SASH1: variants seen among roughly 807,000 people sequenced by gnomAD.
SASH1 encodes SAM and SH3 domain containing 1, also known as SAM and SH3 domain-containing protein 1.
Under a neutral mutation model 125.2 loss-of-function variants are expected in SASH1, and 44 were observed. The observed-to-expected ratio is 0.35, with a 90% CI of 0.28 to 0.45. The LOEUF is 0.45. SASH1 is among the 20% of genes least tolerant of loss of function. The pLI is 1.00. For synonymous variants in SASH1, 639 were observed against 649.1 expected, an observed-to-expected ratio of 0.98 and a Z score of 0.24; for missense variants, 1,426 against 1,614.5, an observed-to-expected ratio of 0.88 and a Z score of 2.00.
chr6:148,514,495 C>T, intron 9 of SASH1, 39 bp downstream of exon 9: 1 of 1,342,374 alleles, frequency 7.4e-7, no homozygotes, highest in Non-Finnish European at 9.6e-7. Flanking sequence ...AAGGCAGACT[C>T]CACCCTGGTT....
intron 8 of SASH1, chr6:148,508,748 G>T (rs1779945223): frequency 7.9e-7 from 1 of 1,258,542 alleles, no homozygotes; most frequent in Non-Finnish European, 1.0e-6. Context: ...TTCCAGGAGT[G>T]CCTAATCTTA....
intron 7 of SASH1, 26 bp downstream of exon 7, chr6:148,474,248 A>G: frequency 7.1e-7 from 1 of 1,408,970 alleles, no homozygotes; most frequent in African/African-American, 1.4e-5. Context: ...CCTGGTTTAT[A>G]TTTGTGAGGA....
intron 16 of SASH1, among the ~76,000 whole-genome samples, chr6:148,538,767 T>C (rs768190959): frequency 1.8e-4 from 28 of 152,194 alleles, no homozygotes; most frequent in Non-Finnish European, 2.6e-4. Context: ...TTCTGGCTTA[T>C]TGATTTCTTT....
At chr6:148,459,777 A>C (rs7756365) in intron 4 of SASH1, among the ~76,000 whole-genome samples, 134,119 of 152,230 alleles carry the variant, frequency 0.88, 59,105 homozygotes, top group South Asian at 0.93. Flanking sequence ...GTAGTAAGTA[A>C]AGTAAAAGTC....
intron 2 of SASH1, among the ~76,000 whole-genome samples, chr6:148,421,126 A>AAGGAAGG (rs1785044221): frequency 1.2e-5 from 1 of 82,296 alleles, no homozygotes; most frequent in African/African-American, 4.8e-5. Flanking sequence ...AGAAAGGAAG[A>AAGGAAGG]AAGGAAGGAA....
At chr6:148,450,107 C>G (rs1777024440) in intron 4 of SASH1, among the ~76,000 whole-genome samples, 1 of 152,162 alleles carries the variant, frequency 6.6e-6, no homozygotes, top group African/African-American at 2.4e-5. Flanking sequence ...CTATAGCACT[C>G]TCTGTTTATT....
At chr6:148,375,086 G>A (rs1167513193) in intron 1 of SASH1, among the ~76,000 whole-genome samples, 1 of 151,822 alleles carries the variant, frequency 6.6e-6, no homozygotes, top group East Asian at 1.9e-4. Flanking sequence ...AACCTCCTGG[G>A]CTCAGGTCAT....
chr6:148,440,246 G>C lies in SASH1; in HGVS notation c.336+12G>C. 8.1e-6 allele frequency: 13 copies of C among 1,613,776 alleles called. No individual in the cohort carries two copies. Among genetic ancestry groups the C allele is most frequent in the Non-Finnish European group, 1.1e-5 (13 of 1,179,852 alleles). ...GGTCCCAGATCGAAGTAAGCACAAT[G>C]ACTTTAATCATCTAGTTTTGCTTCT... On this transcript the variant is annotated intron_variant, in intron 3 of 19. Transcript: ENST00000367467.
chr6:148,500,459 T>C (rs1006800629), intron 8 of SASH1, among the ~76,000 whole-genome samples: 1 of 152,216 alleles, frequency 6.6e-6, no homozygotes, highest in African/African-American at 2.4e-5. Context: ...CATTCATTTT[T>C]TGAATTTTAG....
chr6:148,332,379 G>A (rs1030849198), intron 1 of SASH1, among the ~76,000 whole-genome samples: 16 of 152,144 alleles, frequency 1.1e-4, no homozygotes, highest in African/African-American at 3.1e-4. Flanking sequence ...TCAGCAGCAG[G>A]AACTATGGTA....
At chr6:148,268,229 A>T (rs921094367), upstream of SASH1, among the ~76,000 whole-genome samples, 3 of 152,244 alleles carry the variant, frequency 2.0e-5, no homozygotes, top group African/African-American at 7.2e-5. Context: ...AAATATTCAA[A>T]TATTGTGAAA....
At chr6:148,200,254 C>G in the SASH1 span, among the ~76,000 whole-genome samples, 3,172 of 152,292 alleles carry the variant, frequency 0.021, 104 homozygotes, top group African/African-American at 0.072. Flanking sequence ...TTTTCCTGTT[C>G]ACTTTCCTCT....
At chr6:148,542,851 A>AGT (rs56094441) in intron 17 of SASH1, among the ~76,000 whole-genome samples, 2,840 of 149,336 alleles carry the variant, frequency 0.019, 50 homozygotes, top group East Asian at 0.062. Context: ...AACAAGGGAC[A>AGT]GTGTGTGTGT....
the SASH1 span, among the ~76,000 whole-genome samples, chr6:148,220,519 C>G: frequency 6.6e-6 from 1 of 152,162 alleles, no homozygotes; most frequent in African/African-American, 2.4e-5. Context: ...TAGCAGTACT[C>G]ATATTATTAC....
intron 6 of SASH1, 59 bp downstream of exon 6, chr6:148,471,562 T>C: frequency 9.8e-7 from 1 of 1,022,210 alleles, no homozygotes; most frequent in Admixed American, 1.9e-5. Context: ...GGAAGAATCC[T>C]ATGCGGCTAA....
the SASH1 span, among the ~76,000 whole-genome samples, chr6:148,227,626 G>A: frequency 2.6e-5 from 4 of 152,198 alleles, no homozygotes; most frequent in East Asian, 5.8e-4. Context: ...CCAAAGTGCT[G>A]GGATTACAGG....
intron 8 of SASH1, among the ~76,000 whole-genome samples, chr6:148,510,104 A>G (rs1780032029): frequency 6.6e-6 from 1 of 152,222 alleles, no homozygotes; most frequent in East Asian, 1.9e-4. Context: ...CTGCAATCTG[A>G]TGTAATGTTG....
At chr6:148,221,553 C>T in the SASH1 span, among the ~76,000 whole-genome samples, 1,323 of 152,292 alleles carry the variant, frequency 8.7e-3, 11 homozygotes, top group Admixed American at 0.01. Context: ...TCTCCAGGAA[C>T]GTTTCATTTT....
At chr6:148,530,395 A>AT (rs200244329) in intron 12 of SASH1, among the ~76,000 whole-genome samples, 12,714 of 148,150 alleles carry the variant, frequency 0.086, 1,188 homozygotes, top group African/African-American at 0.23. Flanking sequence ...GGAGGAATGA[A>AT]TTTTTTTTTT....
Sources: gnomAD v4.1 joint callset for allele counts (sites outside exome capture counted in the v4.1 genomes callset) on GRCh38, gnomAD v4.1.1 for gene constraint, MANE v1.5 for transcripts, NCBI Gene and HGNC (gene_info 2026-07-23, HGNC 2026-07-21) for gene names.